Variants in SPMIP2 observed in about 807,000 individuals in gnomAD.
SPMIP2 encodes sperm microtubule inner protein 2, also known as protein SPMIP2.
the SPMIP2 span, among the ~76,000 whole-genome samples, chr4:159,068,110 C>T: frequency 3.9e-5 from 6 of 152,132 alleles, no homozygotes; most frequent in Non-Finnish European, 7.3e-5. Flanking sequence ...GGCGATTCCT[C>T]AGGGATCTAG....
the SPMIP2 span, among the ~76,000 whole-genome samples, chr4:158,921,697 G>A: frequency 6.6e-6 from 1 of 152,112 alleles, no homozygotes; most frequent in South Asian, 2.1e-4. Context: ...AGCAGTGCGA[G>A]AAAACATTAA....
the SPMIP2 span, among the ~76,000 whole-genome samples, chr4:159,025,612 G>C: frequency 6.6e-6 from 1 of 152,038 alleles, no homozygotes; most frequent in East Asian, 1.9e-4. Context: ...AGGTGTACTT[G>C]GTTGGCTTAT....
At chr4:158,985,485 AAATC>A in the SPMIP2 span, among the ~76,000 whole-genome samples, 1 of 152,204 alleles carries the variant, frequency 6.6e-6, no homozygotes, top group African/African-American at 2.4e-5. Flanking sequence ...CAATATACAC[AAATC>A]AATCAGTGTA....
At chr4:158,912,621 A>G in the SPMIP2 span, among the ~76,000 whole-genome samples, 2 of 152,218 alleles carry the variant, frequency 1.3e-5, no homozygotes, top group South Asian at 4.1e-4. Context: ...TGTGGTATTC[A>G]TTATTTGCTT....
At chr4:158,903,169 T>G in the SPMIP2 span, among the ~76,000 whole-genome samples, 1 of 152,284 alleles carries the variant, frequency 6.6e-6, no homozygotes, top group Admixed American at 6.5e-5. Context: ...ATGGGAAAAG[T>G]GCAGTATCCA....
chr4:159,021,017 G>T, the SPMIP2 span, among the ~76,000 whole-genome samples: 1 of 152,082 alleles, frequency 6.6e-6, no homozygotes, highest in Non-Finnish European at 1.5e-5. Flanking sequence ...CGCCTCAGCC[G>T]CCCAAAGTCC....
chr4:159,067,644 C>T, the SPMIP2 span, among the ~76,000 whole-genome samples: 9 of 151,990 alleles, frequency 5.9e-5, no homozygotes, highest in Admixed American at 5.2e-4. Flanking sequence ...GCAACAAAAG[C>T]CAAAATTGAC....
the SPMIP2 span, chr4:159,026,671 A>T: frequency 4.0e-5 from 11 of 275,760 alleles, no homozygotes; most frequent in Admixed American, 9.6e-5. Flanking sequence ...CTGTTTCAGT[A>T]TCAGATTAAT....
chr4:158,952,416 C>T, the SPMIP2 span, among the ~76,000 whole-genome samples: 1 of 152,316 alleles, frequency 6.6e-6, no homozygotes, highest in South Asian at 2.1e-4. Flanking sequence ...GGGGTTTCCA[C>T]TTCTGCATCT....
the SPMIP2 span, among the ~76,000 whole-genome samples, chr4:158,935,778 A>G: frequency 8.5e-5 from 13 of 152,238 alleles, no homozygotes; most frequent in African/African-American, 3.1e-4. Context: ...CAGTGAGGAA[A>G]GGACTGGCTG....
At chr4:159,064,849 T>C in the SPMIP2 span, among the ~76,000 whole-genome samples, 1 of 152,226 alleles carries the variant, frequency 6.6e-6, no homozygotes, top group East Asian at 1.9e-4. Context: ...ATTTTTTAAA[T>C]CAATTTCCAC....
chr4:158,893,681 T>TA, the SPMIP2 span: 2 of 1,585,646 alleles, frequency 1.3e-6, no homozygotes, highest in Non-Finnish European at 1.7e-6. Context: ...TAAAAGCAGG[T>TA]TGAGTTATGC....
At chr4:159,082,572 G>A in the SPMIP2 span, among the ~76,000 whole-genome samples, 1 of 150,342 alleles carries the variant, frequency 6.7e-6, no homozygotes, top group East Asian at 2.0e-4. Context: ...AGAATAGGAG[G>A]TTAAGAAAGG....
At chr4:159,031,883 A>C in the SPMIP2 span, among the ~76,000 whole-genome samples, 1 of 152,230 alleles carries the variant, frequency 6.6e-6, no homozygotes, top group East Asian at 1.9e-4. Context: ...AAAGCAAAAA[A>C]GGATTCATAT....
At chr4:158,904,014 G>GT in the SPMIP2 span, among the ~76,000 whole-genome samples, 7 of 152,140 alleles carry the variant, frequency 4.6e-5, no homozygotes, top group African/African-American at 1.4e-4. Flanking sequence ...AATTCCCAAT[G>GT]TTTTTTAAGA....
chr4:159,012,130 A>T, the SPMIP2 span, among the ~76,000 whole-genome samples: 1 of 152,062 alleles, frequency 6.6e-6, no homozygotes, highest in African/African-American at 2.4e-5. Flanking sequence ...TAAAGAAAAA[A>T]TTTAAAGCCA....
At chr4:159,030,762 C>T in the SPMIP2 span, among the ~76,000 whole-genome samples, 3 of 152,228 alleles carry the variant, frequency 2.0e-5, no homozygotes, top group African/African-American at 7.2e-5. Context: ...CTCCCAGGTG[C>T]TGGGATCACA....
At chr4:158,960,247 AAC>A in the SPMIP2 span, 1 of 1,206,398 alleles carries the variant, frequency 8.3e-7, no homozygotes, top group East Asian at 2.4e-5. Context: ...TTAGGAAAGA[AAC>A]ACAGTAATTA....
chr4:158,923,257 A>C, the SPMIP2 span, among the ~76,000 whole-genome samples: 1 of 152,334 alleles, frequency 6.6e-6, no homozygotes, highest in Middle Eastern at 3.4e-3. Context: ...TTTCCATTTG[A>C]ATTTTAGGAT....
Sources: gnomAD v4.1 joint callset for allele counts (sites outside exome capture counted in the v4.1 genomes callset) on GRCh38, gnomAD v4.1.1 for gene constraint, MANE v1.5 for transcripts, NCBI Gene and HGNC (gene_info 2026-07-23, HGNC 2026-07-21) for gene names.